ERGIC1: variants seen among roughly 807,000 people sequenced by gnomAD.
The protein encoded by ERGIC1 is endoplasmic reticulum-golgi intermediate compartment 1, also known as endoplasmic reticulum-Golgi intermediate compartment protein 1.
In ERGIC1, 19 loss-of-function variants were observed where a neutral mutation model predicts 38.3. That is an observed-to-expected ratio of 0.50 (90% confidence interval 0.35 to 0.73). The LOEUF (loss-of-function observed/expected upper bound fraction) is 0.73. Ranked by LOEUF, ERGIC1 falls within the 30% of genes least tolerant of loss-of-function variation. The pLI, the probability that ERGIC1 is intolerant of heterozygous loss-of-function variation, is 0.01. For synonymous variants in ERGIC1, 124 were observed against 157.6 expected (o/e 0.79, Z 1.60); for missense variants, 294 against 389.2 (o/e 0.76, Z 2.06).
chr5:172,869,160 G>A (rs964087416), intron 1 of ERGIC1, among the ~76,000 whole-genome samples: 1 of 152,246 alleles, frequency 6.6e-6, no homozygotes, highest in African/African-American at 2.4e-5. Flanking sequence ...GCATGCCAGG[G>A]CTCTGCCAGT....
At chr5:172,864,313 C>G (rs13177110) in intron 1 of ERGIC1, among the ~76,000 whole-genome samples, 120,223 of 134,960 alleles carry the variant, frequency 0.89, 54,540 homozygotes, top group East Asian at 1. Context: ...TGTCACCCAG[C>G]CCAGAGTGCA....
intron 2 of ERGIC1, among the ~76,000 whole-genome samples, chr5:172,888,989 A>T (rs1404066501): frequency 2.6e-5 from 4 of 152,180 alleles, no homozygotes; most frequent in African/African-American, 9.7e-5. Context: ...AGAAATTGTC[A>T]AGAGTAGCTG....
intron 5 of ERGIC1, 32 bp downstream of exon 5, chr5:172,914,870 T>C: frequency 9.3e-6 from 15 of 1,613,744 alleles, no homozygotes; most frequent in Non-Finnish European, 1.2e-5. Context: ...CCTTTCTACC[T>C]GCTCCCCTTT....
At chr5:172,898,828 T>C (rs1049007250) in intron 3 of ERGIC1, among the ~76,000 whole-genome samples, 8 of 152,086 alleles carry the variant, frequency 5.3e-5, no homozygotes, top group Non-Finnish European at 1.0e-4. Context: ...AGGCCTCTAA[T>C]GGGAGATGGC....
chr5:172,889,510 AG>A (rs912071931), intron 2 of ERGIC1, among the ~76,000 whole-genome samples: 5 of 152,298 alleles, frequency 3.3e-5, no homozygotes, highest in Non-Finnish European at 5.9e-5. Flanking sequence ...AGGGCTAGGC[AG>A]GGTAAAGATA....
In ERGIC1 at chr5:172,950,828, G is replaced by A. The variant is rs1191552980; in HGVS notation, c.*12G>A. The stretch of plus-strand genomic sequence containing the variant: ...GCAAGATGCATTGACGCCACACCCA[G>A]CCTAATGGCCGAGGACCCTGGGCAT... On this transcript the variant is annotated 3_prime_UTR_variant, in exon 10 of 10. Coordinates refer to ENST00000393784, the MANE Select transcript of ERGIC1 (RefSeq NM_001031711.3). The A allele has an allele frequency of 6.2e-7, 1 of 1,602,804 alleles. No individual in the cohort carries two copies. Among genetic ancestry groups the A allele is most frequent in the African/African-American group, 1.3e-5 (1 of 74,848 alleles).
At chr5:172,845,794 C>T (rs1342818515) in intron 1 of ERGIC1, among the ~76,000 whole-genome samples, 2 of 152,218 alleles carry the variant, frequency 1.3e-5, no homozygotes, top group Non-Finnish European at 2.9e-5. Flanking sequence ...TTGCTCATGA[C>T]TATTCTCTAA....
At chr5:172,904,632 C>T (rs1762972682) in intron 3 of ERGIC1, among the ~76,000 whole-genome samples, 1 of 152,248 alleles carries the variant, frequency 6.6e-6, no homozygotes, top group African/African-American at 2.4e-5. Context: ...TGATTTCTGG[C>T]AGCCCGTTGG....
chr5:172,904,919 G>A (rs2113352094), intron 3 of ERGIC1, among the ~76,000 whole-genome samples: 1 of 152,306 alleles, frequency 6.6e-6, no homozygotes, highest in African/African-American at 2.4e-5. Context: ...TGGCCAGAGC[G>A]CCTCAGGCCG....
intron 1 of ERGIC1, among the ~76,000 whole-genome samples, chr5:172,869,533 C>T (rs986275740): frequency 6.6e-6 from 1 of 152,192 alleles, no homozygotes; most frequent in African/African-American, 2.4e-5. Context: ...TGGGATATTT[C>T]GTGTGCCAGA....
At chr5:172,864,268 CTTTT>C (rs60390189) in intron 1 of ERGIC1, among the ~76,000 whole-genome samples, 4 of 71,160 alleles carry the variant, frequency 5.6e-5, no homozygotes, top group Middle Eastern at 7.7e-3. Context: ...ATTTTGTAGT[CTTTT>C]TTTTTTTTTT....
chr5:172,907,815 G>T (rs1763073877), intron 3 of ERGIC1, among the ~76,000 whole-genome samples: 1 of 152,140 alleles, frequency 6.6e-6, no homozygotes, highest in Non-Finnish European at 1.5e-5. Flanking sequence ...ATCAGCGTTG[G>T]GGGTGGCAGC....
intron 3 of ERGIC1, among the ~76,000 whole-genome samples, chr5:172,909,168 C>CCTTTTTTTTTTT (rs1561730358): frequency 3.7e-5 from 3 of 80,840 alleles, no homozygotes; most frequent in African/African-American, 9.4e-5. Context: ...GCCCTCCCCT[C>CCTTTTTTTTTTT]TTTTTTTTTT....
Position 172,846,452 on chromosome 5 carries a change from G to T in ERGIC1, c.20+12019G>T, listed in dbSNP as rs547435934. On this transcript the variant is annotated intron_variant, in intron 1 of 9. Coordinates refer to ENST00000393784, the MANE Select transcript of ERGIC1 (RefSeq NM_001031711.3). This position sits in a 1 kb window ranked among gnomAD's most constrained non-coding sequence, Gnocchi z 4.0. ...TGCCCCTTGTGCCAGGCTGATGTCA[G>T]GTGGTTTATAGTCATGATCTCATTT... is the stretch of plus-strand genomic sequence containing the variant. Among the ~76,000 whole-genome samples the T allele has an allele frequency of 3.5e-4, 54 of 152,298 alleles. No individual in the cohort carries two copies. Among genetic ancestry groups the T allele is most frequent in the Admixed American group, 1.6e-3 (25 of 15,302 alleles).
intron 3 of ERGIC1, chr5:172,898,081 T>C (rs1191315136): frequency 5.1e-6 from 2 of 393,756 alleles, no homozygotes; most frequent in Non-Finnish European, 9.0e-6. Context: ...TTCATTTCTG[T>C]GTTTACAGCC....
At chr5:172,912,542 C>T (rs917103322) in intron 4 of ERGIC1, among the ~76,000 whole-genome samples, 6 of 151,942 alleles carry the variant, frequency 3.9e-5, no homozygotes, top group Non-Finnish European at 7.4e-5. Flanking sequence ...TGCCCGCCAC[C>T]GTGCCCGGCT....
intron 5 of ERGIC1, 119 bp from the exon 6 acceptor site, chr5:172,923,886 G>T (rs533989019): frequency 7.2e-5 from 62 of 862,592 alleles, no homozygotes; most frequent in Admixed American, 3.2e-4. Context: ...ATACAAGCAG[G>T]ATCCAAACCC....
chr5:172,847,805 G>C (rs1251324079), intron 1 of ERGIC1, among the ~76,000 whole-genome samples: 1 of 152,204 alleles, frequency 6.6e-6, no homozygotes, highest in Admixed American at 6.5e-5. Context: ...GTGCCACCAC[G>C]CCCGGCCACA....
intron 5 of ERGIC1, among the ~76,000 whole-genome samples, chr5:172,919,196 C>T (rs1047144458): frequency 3.3e-5 from 5 of 152,140 alleles, no homozygotes; most frequent in East Asian, 3.9e-4. Context: ...AAGAGAATGA[C>T]GGGGTGCTGT....
Sources: allele counts gnomAD v4.1 joint callset (sites outside exome capture counted in the v4.1 genomes callset), GRCh38; gene constraint gnomAD v4.1.1; non-coding constraint Gnocchi (gnomAD v3.1); transcripts MANE v1.5; gene names NCBI Gene and HGNC (gene_info 2026-07-23, HGNC 2026-07-21).